CADM2: variants seen among roughly 807,000 people sequenced by gnomAD.
The protein encoded by CADM2 is cell adhesion molecule 2, also known as immunoglobulin superfamily member 4D.
CADM2 carries 12 observed loss-of-function variants against 49.8 expected under a neutral mutation model. That is an observed-to-expected ratio of 0.24 (90% CI 0.15 to 0.39). CADM2 has a LOEUF of 0.39. CADM2 is among the 10% of genes least tolerant of loss of function. The pLI is 1.00. For missense variants in CADM2, 378 were observed against 492.3 expected, an observed-to-expected ratio of 0.77 and a Z score of 2.20; for synonymous variants, 214 against 175.4, an observed-to-expected ratio of 1.22 and a Z score of -1.74.
chr3:84,991,408 G>A (rs572933302), intron 1 of CADM2, among the ~76,000 whole-genome samples: 2 of 152,236 alleles, frequency 1.3e-5, no homozygotes, highest in South Asian at 4.1e-4. Context: ...GTGTTTGTTA[G>A]CTTTCTGGAT....
intron 1 of CADM2, among the ~76,000 whole-genome samples, chr3:84,985,643 T>C (rs2032509024): frequency 6.6e-6 from 1 of 152,150 alleles, no homozygotes. Flanking sequence ...TTTAAAATTA[T>C]TTCAATATAT....
intron 1 of CADM2, among the ~76,000 whole-genome samples, chr3:85,338,375 A>G (rs1439197410): frequency 1.3e-5 from 2 of 151,594 alleles, no homozygotes; most frequent in Non-Finnish European, 3.0e-5. Context: ...TTCTAAGAGT[A>G]CAGAGTTTTT....
chr3:85,490,106 G>C (rs2039609881), intron 1 of CADM2, among the ~76,000 whole-genome samples: 1 of 151,912 alleles, frequency 6.6e-6, no homozygotes, highest in African/African-American at 2.4e-5. Context: ...CCTTCCTAGA[G>C]TCCCTTGCTT....
intron 7 of CADM2, among the ~76,000 whole-genome samples, chr3:85,944,818 CA>C (rs1380399413): frequency 6.6e-6 from 1 of 151,604 alleles, no homozygotes; most frequent in Non-Finnish European, 1.5e-5. Flanking sequence ...GCCCACAAGA[CA>C]AAGTAGGAAA....
At chr3:86,004,331 T>C (rs529974482) in intron 8 of CADM2, among the ~76,000 whole-genome samples, 1 of 152,292 alleles carries the variant, frequency 6.6e-6, no homozygotes, top group African/African-American at 2.4e-5. Context: ...TTTGGTGCAA[T>C]CTAATGTTAA....
chr3:85,791,516 G>C (rs1483204724), intron 2 of CADM2, among the ~76,000 whole-genome samples: 1 of 145,924 alleles, frequency 6.9e-6, no homozygotes, highest in Non-Finnish European at 1.5e-5. Flanking sequence ...GAGAGGGGTG[G>C]GGAGGGAGAG....
chr3:85,800,103 G>A (rs2071905836), intron 2 of CADM2: 3 of 152,248 alleles, frequency 2.0e-5, no homozygotes, highest in Admixed American at 2.0e-4. Flanking sequence ...GGAATCTAGA[G>A]AGGCAGTGTG....
intron 1 of CADM2, among the ~76,000 whole-genome samples, chr3:85,009,259 A>C (rs2033876495): frequency 6.6e-6 from 1 of 152,218 alleles, no homozygotes; most frequent in African/African-American, 2.4e-5. Flanking sequence ...AAGTGGCTTC[A>C]AAAGATTAAT....
chr3:85,580,289 T>G (rs1245519900), intron 1 of CADM2, among the ~76,000 whole-genome samples: 2 of 152,136 alleles, frequency 1.3e-5, no homozygotes, highest in Admixed American at 1.3e-4. Flanking sequence ...TCAAATTGTC[T>G]AACATCATTC....
intron 1 of CADM2, among the ~76,000 whole-genome samples, chr3:85,019,858 G>C (rs550504950): frequency 6.6e-6 from 1 of 152,100 alleles, no homozygotes; most frequent in Admixed American, 6.5e-5. Context: ...GATTCAGAAT[G>C]GTTAACGTCC....
intron 1 of CADM2, among the ~76,000 whole-genome samples, chr3:85,312,004 G>A (rs2044357076): frequency 6.6e-6 from 1 of 152,088 alleles, no homozygotes; most frequent in Non-Finnish European, 1.5e-5. Context: ...TTTGCCAGAG[G>A]ATGCTAAGAA....
chr3:85,530,867 TAC>T (rs71617940), intron 1 of CADM2, among the ~76,000 whole-genome samples: 11,055 of 136,796 alleles, frequency 0.081, 443 homozygotes, highest in East Asian at 0.15. Context: ...TATGTAAAAA[TAC>T]ACACACACAC....
chr3:85,939,769 G>A (rs1311948119), intron 7 of CADM2, among the ~76,000 whole-genome samples: 4 of 145,786 alleles, frequency 2.7e-5, no homozygotes, highest in Non-Finnish European at 4.5e-5. Context: ...TTACTTTCTG[G>A]TAACCACAAT....
chr3:85,411,151 A>G (rs2035639090), intron 1 of CADM2, among the ~76,000 whole-genome samples: 1 of 152,216 alleles, frequency 6.6e-6, no homozygotes, highest in Non-Finnish European at 1.5e-5. Context: ...ATGCTGTTGT[A>G]AACTGATCTA....
chr3:86,003,094 T>C (rs931499581), intron 8 of CADM2, among the ~76,000 whole-genome samples: 5 of 152,196 alleles, frequency 3.3e-5, no homozygotes, highest in Non-Finnish European at 7.3e-5. Context: ...AGTATCCTCC[T>C]CCTTAACAGA....
intron 8 of CADM2, 94 bp from the exon 9 acceptor site, chr3:86,065,511 G>A: frequency 7.8e-7 from 1 of 1,278,696 alleles, no homozygotes; most frequent in Non-Finnish European, 1.1e-6. Context: ...AACAGAAATT[G>A]TGTTAATTTT....
At chr3:85,702,540 C>T (rs2066813509) in intron 1 of CADM2, among the ~76,000 whole-genome samples, 1 of 152,040 alleles carries the variant, frequency 6.6e-6, no homozygotes, top group Admixed American at 6.6e-5. Context: ...AATGTTTTTG[C>T]TTTAGAAGCA....
At chr3:85,194,691 G>A (rs1181656450) in intron 1 of CADM2, among the ~76,000 whole-genome samples, 2 of 151,904 alleles carry the variant, frequency 1.3e-5, no homozygotes, top group Non-Finnish European at 2.9e-5. Flanking sequence ...TTGTTATGGG[G>A]ACTTTAGAAT....
chr3:85,422,879 A>G (rs1441983660), intron 1 of CADM2, among the ~76,000 whole-genome samples: 1 of 151,950 alleles, frequency 6.6e-6, no homozygotes, highest in African/African-American at 2.4e-5. Context: ...ATGCTCTTTT[A>G]GCCCTGTCAT....
Sources: allele counts gnomAD v4.1 joint callset (sites outside exome capture counted in the v4.1 genomes callset), GRCh38; gene constraint gnomAD v4.1.1; transcripts MANE v1.5; gene names NCBI Gene and HGNC (gene_info 2026-07-23, HGNC 2026-07-21).